The following MAGI2 variants were observed in gnomAD, a reference collection of about 807,000 sequenced individuals.
MAGI2 encodes the protein membrane associated guanylate kinase, WW and PDZ domain containing 2, also known as membrane-associated guanylate kinase, WW and PDZ domain-containing protein 2.
Under a neutral mutation model 133.3 loss-of-function variants are expected in MAGI2, and 35 were observed. The ratio of observed to expected loss-of-function variants is 0.26; its 90% confidence interval spans 0.20 to 0.35. The LOEUF is 0.35. Ranked by LOEUF, MAGI2 falls within the 10% of genes least tolerant of loss-of-function variation. MAGI2 has a pLI of 1.00. For missense variants in MAGI2, 1,636 were observed against 1,863.4 expected (o/e 0.88, Z 2.25); for synonymous variants, 729 against 710.6 (o/e 1.03, Z -0.41).
chr7:78,779,998 GA>G (rs1398214673), intron 2 of MAGI2, among the ~76,000 whole-genome samples: 1 of 152,186 alleles, frequency 6.6e-6, no homozygotes, highest in Non-Finnish European at 1.5e-5. Context: ...CTCTGGGACA[GA>G]AATTAGAAAG....
intron 3 of MAGI2, among the ~76,000 whole-genome samples, chr7:78,600,911 T>C (rs983416673): frequency 4.6e-5 from 7 of 152,198 alleles, no homozygotes; most frequent in African/African-American, 1.7e-4. Context: ...TTGAAAATGA[T>C]TGCCTCAAAG....
At chr7:78,175,368 A>G (rs1224123965) in intron 14 of MAGI2, among the ~76,000 whole-genome samples, 1 of 152,164 alleles carries the variant, frequency 6.6e-6, no homozygotes, top group Non-Finnish European at 1.5e-5. Flanking sequence ...TAGAAAACCC[A>G]CAGTAGGCTG....
At chr7:78,283,805 G>A (rs560830446) in intron 9 of MAGI2, among the ~76,000 whole-genome samples, 5 of 151,982 alleles carry the variant, frequency 3.3e-5, no homozygotes, top group East Asian at 1.9e-4. Context: ...CCTAAAAAGC[G>A]ATAAATCTGT....
intron 10 of MAGI2, among the ~76,000 whole-genome samples, chr7:78,221,953 G>A (rs1788874340): frequency 6.6e-6 from 1 of 152,006 alleles, no homozygotes; most frequent in South Asian, 2.1e-4. Context: ...AGGAGGCTAA[G>A]GTGGGAGGAT....
At chr7:79,003,566 T>A (rs779597085) in intron 2 of MAGI2, among the ~76,000 whole-genome samples, 2 of 152,160 alleles carry the variant, frequency 1.3e-5, no homozygotes. Flanking sequence ...CAATGAGAAT[T>A]TCTTTGACCA....
intron 1 of MAGI2, among the ~76,000 whole-genome samples, chr7:79,339,465 T>G (rs1840724330): frequency 1.3e-5 from 1 of 76,042 alleles, no homozygotes; most frequent in South Asian, 3.2e-4. Flanking sequence ...TTTGTTTTTG[T>G]TTTTTTTTTT....
In MAGI2 at chr7:78,160,038, A is replaced by G. The variant is rs1349964948; in HGVS notation, c.2832T>C (p.Ser944=). The G allele has an allele frequency of 1.3e-6, 2 of 1,572,372 alleles. No homozygotes were observed. The highest frequency in any genetic ancestry group is 1.7e-6 in the Non-Finnish European group (2 of 1,156,370). Reference sequence around the variant, plus strand: ...TTCAGCACTTACTTATAGTGGATCCAGACTCAGGCCTGTTCAGGGAGCTGA... The same window carrying G: ...TTCAGCACTTACTTATAGTGGATCCGGACTCAGGCCTGTTCAGGGAGCTGA... ...VIISSLNRPE[S]GSTITVPHKI... Residue 944 remains serine, a synonymous_variant, in exon 16 of 22, where the codon TCT becomes TCC. Coordinates refer to ENST00000354212, the MANE Select transcript of MAGI2 (RefSeq NM_012301.4).
At position 79,147,872 on chromosome 7, in the gene MAGI2, T is replaced by G. The variant is rs114429172; in HGVS notation, c.302-140666A>C. ...CACCTCCTTGTCCTCCGGCCAGGTA[T>G]GTCCAGCTCTAGCCGCAGCTTGTAT... is the stretch of plus-strand genomic sequence containing the variant. On this transcript the variant is annotated intron_variant, in intron 1 of 21. Transcript: ENST00000354212. Among the ~76,000 whole-genome samples the G allele has an allele frequency of 8.6e-3, 1,304 of 152,298 alleles. 22 individuals are homozygous for G. Among genetic ancestry groups the G allele is most frequent in the African/African-American group, 0.03 (1,234 of 41,580 alleles).
At chr7:78,550,957 G>T (rs986709438) in intron 3 of MAGI2, among the ~76,000 whole-genome samples, 1 of 151,950 alleles carries the variant, frequency 6.6e-6, no homozygotes, top group Non-Finnish European at 1.5e-5. Flanking sequence ...TTTATTATAT[G>T]GATCCTTGTA....
At chr7:79,419,043 G>A (rs1044739707) in intron 1 of MAGI2, among the ~76,000 whole-genome samples, 3 of 151,802 alleles carry the variant, frequency 2.0e-5, no homozygotes, top group Non-Finnish European at 4.4e-5. Flanking sequence ...TCACTTTTAG[G>A]TAAACCTATT....
chr7:78,195,542 G>A (rs564606755), intron 11 of MAGI2, among the ~76,000 whole-genome samples: 2 of 152,256 alleles, frequency 1.3e-5, no homozygotes, highest in East Asian at 1.9e-4. Context: ...AACTTCCTAC[G>A]CTTGAGCATT....
At chr7:78,813,898 C>T (rs192388390) in intron 2 of MAGI2, among the ~76,000 whole-genome samples, 1 of 151,928 alleles carries the variant, frequency 6.6e-6, no homozygotes, top group African/African-American at 2.4e-5. Context: ...CGTACAACAC[C>T]TACAGCTAAC....
chr7:79,106,329 C>G (rs960761367), intron 1 of MAGI2, among the ~76,000 whole-genome samples: 1 of 152,036 alleles, frequency 6.6e-6, no homozygotes, highest in Non-Finnish European at 1.5e-5. Context: ...AAAGATGAAG[C>G]ATGAAGGAAT....
chr7:78,750,443 T>C (rs1472115463), intron 2 of MAGI2, among the ~76,000 whole-genome samples: 1 of 152,208 alleles, frequency 6.6e-6, no homozygotes, highest in African/African-American at 2.4e-5. Flanking sequence ...TTTCTGGTTC[T>C]AGATCCTTGA....
At chr7:78,953,316 C>G (rs181565368) in intron 2 of MAGI2, among the ~76,000 whole-genome samples, 1 of 152,196 alleles carries the variant, frequency 6.6e-6, no homozygotes, top group East Asian at 1.9e-4. Flanking sequence ...AAAACTTACC[C>G]ACAAAGATGA....
chr7:78,256,731 G>A lies in MAGI2; in HGVS notation c.1409-150C>T, dbSNP rs967046193. The A allele has an allele frequency of 8.4e-5, 56 of 667,966 alleles. No homozygotes were observed. In the African/African-American group the frequency reaches 1.0e-3, roughly 12 times the overall value. 41.4% of individuals were successfully genotyped at this position (667,966 alleles called of 1,614,324 possible). On this transcript the variant is annotated intron_variant, in intron 9 of 21. Coordinates refer to ENST00000354212, the MANE Select transcript of MAGI2 (RefSeq NM_012301.4). The stretch of plus-strand genomic sequence containing the variant: ...AATAATACTTAAAATCACTGTGGGT[G>A]ACTCAAGGTTACAACAGGACTGCCA...
intron 9 of MAGI2, among the ~76,000 whole-genome samples, chr7:78,294,070 AG>A (rs1796987920): frequency 1.4e-5 from 2 of 138,014 alleles, no homozygotes; most frequent in South Asian, 4.7e-4. Flanking sequence ...TAGAATTTAA[AG>A]TATAATAAAA....
intron 2 of MAGI2, among the ~76,000 whole-genome samples, chr7:78,725,036 G>A (rs1449366207): frequency 2.6e-5 from 4 of 152,208 alleles, no homozygotes; most frequent in African/African-American, 9.6e-5. Flanking sequence ...CTGGAATGAA[G>A]GAGGATTGCA....
Position 79,135,778 on chromosome 7 carries a change from A to G in MAGI2, c.302-128572T>C, listed in dbSNP as rs541961908. On this transcript the variant is annotated intron_variant, in intron 1 of 21. Transcript: ENST00000354212. ...CAACATAGCAATACTCTGTCTCTACAAAAATTTAAAAAATTAGCTGGGTGT... is the reference window on the plus strand; with the variant it reads ...CAACATAGCAATACTCTGTCTCTACGAAAATTTAAAAAATTAGCTGGGTGT... Among the ~76,000 whole-genome samples, 54 of 151,766 alleles carry G rather than the reference A, an allele frequency of 3.6e-4. No homozygotes were observed. The South Asian group carries it at 0.01, about 29-fold the overall frequency.
Sources: allele counts gnomAD v4.1 joint callset (sites outside exome capture counted in the v4.1 genomes callset), GRCh38; gene constraint gnomAD v4.1.1; transcripts MANE v1.5; gene names NCBI Gene and HGNC (gene_info 2026-07-23, HGNC 2026-07-21).